EPHA3: variants seen among roughly 807,000 people sequenced by gnomAD.
The protein encoded by EPHA3 is EPH receptor A3.
In EPHA3, 42 loss-of-function variants were observed where a neutral mutation model predicts 107.1. The ratio of observed to expected loss-of-function variants is 0.39; its 90% CI spans 0.31 to 0.51. EPHA3 has a LOEUF of 0.51. Ranked by LOEUF, EPHA3 falls within the 20% of genes least tolerant of loss-of-function variation. The probability of loss-of-function intolerance (pLI) is 0.78; values close to 1 mark genes in which losing one functional copy is unlikely to be tolerated. For missense variants in EPHA3, 1,183 were observed against 1,211.2 expected, an observed-to-expected ratio of 0.98 and a Z score of 0.35; for synonymous variants, 461 against 424.8, an observed-to-expected ratio of 1.09 and a Z score of -1.05.
intron 3 of EPHA3, among the ~76,000 whole-genome samples, chr3:89,255,441 C>A (rs914770506): frequency 6.6e-6 from 1 of 152,126 alleles, no homozygotes; most frequent in Non-Finnish European, 1.5e-5. Context: ...TTTGTAAATA[C>A]AATTTTATTG....
At chr3:89,235,344 A>T (rs1704733731) in intron 3 of EPHA3, among the ~76,000 whole-genome samples, 1 of 152,202 alleles carries the variant, frequency 6.6e-6, no homozygotes, top group African/African-American at 2.4e-5. Flanking sequence ...AGATGAAACA[A>T]AATGATTTCT....
intron 3 of EPHA3, among the ~76,000 whole-genome samples, chr3:89,305,576 A>G (rs1017663606): frequency 1.2e-4 from 19 of 152,106 alleles, no homozygotes; most frequent in African/African-American, 4.3e-4. Flanking sequence ...GTATTCTTTA[A>G]TATCTCCTTT....
At chr3:89,121,054 G>A (rs192048344) in intron 1 of EPHA3, among the ~76,000 whole-genome samples, 2 of 151,618 alleles carry the variant, frequency 1.3e-5, no homozygotes, top group Admixed American at 6.6e-5. Flanking sequence ...CCTGACTAAC[G>A]CGGTGAAACC....
intron 2 of EPHA3, among the ~76,000 whole-genome samples, chr3:89,209,328 T>A (rs141370907): frequency 6.6e-6 from 1 of 152,266 alleles, no homozygotes; most frequent in Non-Finnish European, 1.5e-5. Flanking sequence ...TTCATAGTTC[T>A]GCAACACATG....
At chr3:89,448,897 G>A (rs1709931532) in intron 13 of EPHA3, among the ~76,000 whole-genome samples, 1 of 151,862 alleles carries the variant, frequency 6.6e-6, no homozygotes, top group Non-Finnish European at 1.5e-5. Flanking sequence ...TCTAATACAT[G>A]TCATGTCACA....
chr3:89,393,034 A>G (rs958778995), intron 5 of EPHA3, among the ~76,000 whole-genome samples: 35 of 152,124 alleles, frequency 2.3e-4, no homozygotes, highest in Non-Finnish European at 3.7e-4. Flanking sequence ...TTATTTATTA[A>G]TATTAAAATA....
At chr3:89,247,373 A>T (rs1282288034) in intron 3 of EPHA3, among the ~76,000 whole-genome samples, 1 of 152,218 alleles carries the variant, frequency 6.6e-6, no homozygotes, top group African/African-American at 2.4e-5. Flanking sequence ...AAATAATATC[A>T]TGGCAAAGTT....
At chr3:89,415,102 A>T (rs1055607877) in intron 10 of EPHA3, among the ~76,000 whole-genome samples, 1 of 151,474 alleles carries the variant, frequency 6.6e-6, no homozygotes, top group African/African-American at 2.4e-5. Flanking sequence ...TGCCTTGATG[A>T]CCTTTCAGAG....
intron 3 of EPHA3, among the ~76,000 whole-genome samples, chr3:89,247,962 T>C (rs1221327779): frequency 6.6e-6 from 1 of 152,186 alleles, no homozygotes; most frequent in African/African-American, 2.4e-5. Flanking sequence ...TCTTTGTCTA[T>C]TGTTTATGAT....
At chr3:89,439,602 A>T (rs1237926618) in intron 13 of EPHA3, among the ~76,000 whole-genome samples, 5 of 152,160 alleles carry the variant, frequency 3.3e-5, no homozygotes, top group Non-Finnish European at 7.4e-5. Flanking sequence ...CTTTGAAATG[A>T]ATCACTATAA....
intron 3 of EPHA3, among the ~76,000 whole-genome samples, chr3:89,211,921 G>A (rs1212815693): frequency 1.3e-5 from 2 of 151,708 alleles, no homozygotes; most frequent in Non-Finnish European, 2.9e-5. Flanking sequence ...ACTGTTTAGA[G>A]AGAGAAAATA....
At chr3:89,342,482 G>A (rs1707551792) in intron 5 of EPHA3, among the ~76,000 whole-genome samples, 1 of 151,950 alleles carries the variant, frequency 6.6e-6, no homozygotes, top group African/African-American at 2.4e-5. Context: ...TTAAAATTAG[G>A]TATTCCTTTG....
chr3:89,157,617 T>C (rs1704835520), intron 2 of EPHA3, among the ~76,000 whole-genome samples: 1 of 151,966 alleles, frequency 6.6e-6, no homozygotes, highest in Admixed American at 6.6e-5. Flanking sequence ...AGGGGTAACC[T>C]TGCGGGGATA....
At chr3:89,318,915 G>A (rs1706975141) in intron 3 of EPHA3, among the ~76,000 whole-genome samples, 1 of 151,908 alleles carries the variant, frequency 6.6e-6, no homozygotes. Context: ...CCAGAGGAGT[G>A]CAAATATTGA....
chr3:89,336,533 A>G (rs1042130950), intron 3 of EPHA3, among the ~76,000 whole-genome samples: 1 of 152,220 alleles, frequency 6.6e-6, no homozygotes, highest in African/African-American at 2.4e-5. Flanking sequence ...TTGTTTCTTT[A>G]TAAAATAATA....
At chr3:89,411,471 A>G (rs1363621143) in intron 9 of EPHA3, among the ~76,000 whole-genome samples, 3 of 151,842 alleles carry the variant, frequency 2.0e-5, no homozygotes, top group Admixed American at 6.6e-5. Flanking sequence ...TCTCACCACC[A>G]TCCCTGCTTT....
chr3:89,333,662 C>G (rs1240650018), intron 3 of EPHA3, among the ~76,000 whole-genome samples: 1 of 152,120 alleles, frequency 6.6e-6, no homozygotes, highest in African/African-American at 2.4e-5. Flanking sequence ...TCACTAAGGT[C>G]AGGAGTTCGA....
rs181110155 is a variant in EPHA3, at chr3:89,257,854, A to G, written c.814+47334A>G. ...ACCAATGTAATAATTAACTTAGATA[A>G]GCATTATCAATGGATGCTAAAACCA... On this transcript the variant is annotated intron_variant, in intron 3 of 16. Coordinates refer to ENST00000336596, the MANE Select transcript of EPHA3 (RefSeq NM_005233.6). Among the ~76,000 whole-genome samples the G allele has an allele frequency of 1.8e-4, 27 of 152,104 alleles. No homozygotes were observed. In the East Asian group the frequency reaches 2.7e-3, roughly 15 times the overall value.
chr3:89,183,473 A>C (rs1393722616), intron 2 of EPHA3, among the ~76,000 whole-genome samples: 1 of 151,898 alleles, frequency 6.6e-6, no homozygotes, highest in African/African-American at 2.4e-5. Flanking sequence ...TATCCTGATT[A>C]GAAGGTATGG....
Sources: allele counts gnomAD v4.1 joint callset (sites outside exome capture counted in the v4.1 genomes callset), GRCh38; gene constraint gnomAD v4.1.1; transcripts MANE v1.5; gene names NCBI Gene and HGNC (gene_info 2026-07-23, HGNC 2026-07-21).